LDLRAP1: variants seen among roughly 807,000 people sequenced by gnomAD.
The protein encoded by LDLRAP1 is low density lipoprotein receptor adaptor protein 1.
Under a neutral mutation model 37.8 loss-of-function variants are expected in LDLRAP1, and 30 were observed. The ratio of observed to expected loss-of-function variants is 0.79; its 90% CI spans 0.59 to 1.08. The LOEUF (loss-of-function observed/expected upper bound fraction) is 1.08. Ranked by LOEUF, LDLRAP1 falls within the 50% of genes least tolerant of loss-of-function variation. LDLRAP1 has a pLI of 0.00. For missense variants in LDLRAP1, 375 were observed against 401.6 expected (o/e 0.93, Z 0.57); for synonymous variants, 156 against 169.8 (o/e 0.92, Z 0.63).
At chr1:25,576,755 G>C in the LDLRAP1 span, among the ~76,000 whole-genome samples, 1 of 152,346 alleles carries the variant, frequency 6.6e-6, no homozygotes, top group East Asian at 1.9e-4. Context: ...TTTCACAGAG[G>C]CTCTCTCCCA....
At chr1:25,584,132 C>T in the LDLRAP1 span, among the ~76,000 whole-genome samples, 2 of 152,070 alleles carry the variant, frequency 1.3e-5, no homozygotes, top group African/African-American at 4.8e-5. Context: ...TGTCTGAACG[C>T]TGGCTCTGTG....
intron 8 of LDLRAP1, 76 bp from the exon 9 acceptor site, chr1:25,566,772 G>T (rs888105625): frequency 6.5e-7 from 1 of 1,543,216 alleles, no homozygotes; most frequent in Non-Finnish European, 8.8e-7. Context: ...GTTCCCCACT[G>T]GTGCCCCCTC....
chr1:25,553,919 C>A lies in LDLRAP1; in HGVS notation c.89-3C>A. ...TCTGAGGGCCTACCCTGTGCTACCC[C>A]AGAGCTGCCTGAGAACTGGACAGAC... On this transcript the variant is annotated splice_region_variant and splice_polypyrimidine_tract_variant and intron_variant, in intron 1 of 8. Transcript: ENST00000374338. The A allele has an allele frequency of 6.2e-7, 1 of 1,613,590 alleles. No homozygotes were observed. The highest frequency in any genetic ancestry group is 8.5e-7 in the Non-Finnish European group (1 of 1,179,928).
At chr1:25,543,837 C>A in intron 1 of LDLRAP1, 51 bp downstream of exon 1, 1 of 1,145,174 alleles carries the variant, frequency 8.7e-7, no homozygotes, top group Non-Finnish European at 1.1e-6. Flanking sequence ...CAGAGGCGCG[C>A]GGGGCCTCCG....
At chr1:25,584,347 T>C in the LDLRAP1 span, among the ~76,000 whole-genome samples, 1 of 151,850 alleles carries the variant, frequency 6.6e-6, no homozygotes, top group South Asian at 2.1e-4. Context: ...ATGGTACAAG[T>C]TCAGTTTTTT....
Position 25,567,224 on chromosome 1 carries a change from T to G in LDLRAP1, c.*232T>G. 3.4e-6 allele frequency: 2 copies of G among 593,868 alleles called. No homozygotes were observed. Among genetic ancestry groups the G allele is most frequent in the East Asian group, 5.9e-5 (2 of 33,998 alleles). 36.8% of individuals were successfully genotyped at this position (593,868 alleles called of 1,614,324 possible). A position where few individuals can be genotyped will look rare whatever the true frequency, so the allele number is the denominator to read the frequency against. ...AATATTTATTCAGTGACTTCTGGCT[T>G]ATGCTCAGAAGCCAGTCTGCGTCAG... is the stretch of plus-strand genomic sequence containing the variant. On this transcript the variant is annotated 3_prime_UTR_variant, in exon 9 of 9. Transcript: ENST00000374338.
chr1:25,567,468 AC>A lies in LDLRAP1; in HGVS notation c.*479del, dbSNP rs2044514707. 1 of 280,640 alleles carries A rather than the reference AC, an allele frequency of 3.6e-6. No individual in the cohort carries two copies. Among genetic ancestry groups the A allele is most frequent in the South Asian group, 3.3e-5 (1 of 30,544 alleles). 17.4% of individuals were successfully genotyped at this position (280,640 alleles called of 1,614,324 possible). A position where few individuals can be genotyped will look rare whatever the true frequency, so the allele number is the denominator to read the frequency against. On this transcript the variant is annotated 3_prime_UTR_variant, in exon 9 of 9. Transcript: ENST00000374338. ...CCCCCACCCCCCAGCACAGGAGAGC[AC>A]CCACAGCCGCAGAAGGGGAATGTGT...
At chr1:25,585,964 G>A in the LDLRAP1 span, among the ~76,000 whole-genome samples, 2 of 152,172 alleles carry the variant, frequency 1.3e-5, no homozygotes, top group African/African-American at 2.4e-5. Flanking sequence ...TTCTTCATTT[G>A]TCAAATAACC....
chr1:25,575,439 A>C, the LDLRAP1 span, among the ~76,000 whole-genome samples: 6 of 150,986 alleles, frequency 4.0e-5, no homozygotes, highest in African/African-American at 1.5e-4. Context: ...AAAAAAAAAA[A>C]AAAAAACCAG....
At chr1:25,565,057 C>T in intron 7 of LDLRAP1, 116 bp from the exon 8 acceptor site, 1 of 1,164,370 alleles carries the variant, frequency 8.6e-7, no homozygotes, top group South Asian at 1.2e-5. Context: ...CTCCAGGCGC[C>T]CACCCTGAGC....
chr1:25,566,533 C>T (rs2044484366), intron 8 of LDLRAP1, among the ~76,000 whole-genome samples: 1 of 152,090 alleles, frequency 6.6e-6, no homozygotes, highest in Non-Finnish European at 1.5e-5. Flanking sequence ...TTCCCCACCC[C>T]ACCCCCACCC....
intron 4 of LDLRAP1, among the ~76,000 whole-genome samples, chr1:25,560,353 G>A (rs2044314660): frequency 6.6e-6 from 1 of 152,106 alleles, no homozygotes. Context: ...GGGGGAGAAA[G>A]GCTCCTTTCT....
chr1:25,560,606 A>G (rs1035890232), intron 4 of LDLRAP1, among the ~76,000 whole-genome samples: 7 of 152,118 alleles, frequency 4.6e-5, no homozygotes, highest in Non-Finnish European at 5.9e-5. Flanking sequence ...TCCCTCCCCC[A>G]TGACCATTGG....
intron 1 of LDLRAP1, among the ~76,000 whole-genome samples, chr1:25,547,969 C>T (rs1237539187): frequency 6.6e-6 from 1 of 152,176 alleles, no homozygotes; most frequent in East Asian, 1.9e-4. Flanking sequence ...TTGAAGGAGT[C>T]AGAGGTCACC....
intron 7 of LDLRAP1, 58 bp from the exon 8 acceptor site, chr1:25,565,115 G>A: frequency 6.3e-7 from 1 of 1,589,104 alleles, no homozygotes; most frequent in African/African-American, 1.3e-5. Flanking sequence ...ACAAGCCCCA[G>A]CTGTGAGCAT....
In LDLRAP1 at chr1:25,557,190, G is replaced by GTGTTTGCA; in HGVS notation, c.384_391dup (p.Tyr131CysfsTer34). The GTGTTTGCA allele has an allele frequency of 2.5e-6, 4 of 1,614,174 alleles. No individual in the cohort carries two copies. The highest frequency in any genetic ancestry group is 3.4e-6 in the Non-Finnish European group (4 of 1,180,014). ...CACAGCAGACAAGATGCACGACAAG[G>GTGTTTGCA]TGTTTGCATACATCGCCCAGAGCCA... On this transcript the variant is annotated frameshift_variant, in exon 4 of 9. Coordinates refer to ENST00000374338, the MANE Select transcript of LDLRAP1 (RefSeq NM_015627.3). LOFTEE classifies it high-confidence loss of function.
intron 5 of LDLRAP1, 127 bp downstream of exon 5, chr1:25,562,843 TCAC>T: frequency 3.4e-6 from 3 of 873,654 alleles, no homozygotes; most frequent in Non-Finnish European, 1.9e-6. Context: ...GCAGGTCCCT[TCAC>T]CGCTCAGAGT....
the LDLRAP1 span, among the ~76,000 whole-genome samples, chr1:25,586,552 G>T: frequency 6.6e-6 from 1 of 151,506 alleles, no homozygotes; most frequent in Non-Finnish European, 1.5e-5. The surrounding 1 kb of genome is among the most constrained non-coding windows in gnomAD (Gnocchi z 4.3). Flanking sequence ...GTGCATGTGT[G>T]TGTGTGTACG....
chr1:25,569,770 G>T (rs2044577983), downstream of LDLRAP1, among the ~76,000 whole-genome samples: 1 of 152,200 alleles, frequency 6.6e-6, no homozygotes, highest in South Asian at 2.1e-4. Flanking sequence ...AGCGCAGATG[G>T]CAGATGGCAT....
Sources: allele counts gnomAD v4.1 joint callset (sites outside exome capture counted in the v4.1 genomes callset), GRCh38; gene constraint gnomAD v4.1.1; non-coding constraint Gnocchi (gnomAD v3.1); transcripts MANE v1.5; gene names NCBI Gene and HGNC (gene_info 2026-07-23, HGNC 2026-07-21).